The following NEDD4L variants were observed in gnomAD, a reference collection of about 807,000 sequenced individuals.
The protein encoded by NEDD4L is E3 ubiquitin-protein ligase NEDD4-like.
NEDD4L carries 54 observed loss-of-function variants against 148.9 expected under a neutral mutation model. That is an observed-to-expected ratio of 0.36 (90% CI 0.29 to 0.45). The LOEUF is 0.45. NEDD4L is among the 20% of genes least tolerant of loss of function. The pLI, the probability that NEDD4L is intolerant of heterozygous loss-of-function variation, is 1.00. For synonymous variants in NEDD4L, 433 were observed against 440.7 expected, an observed-to-expected ratio of 0.98 and a Z score of 0.22; for missense variants, 856 against 1,233.8, an observed-to-expected ratio of 0.69 and a Z score of 4.59.
rs1444421168 is a variant in NEDD4L at position 58,140,271 on chromosome 18, T to A, written c.49-25517T>A. 3.9e-5 allele frequency among the ~76,000 whole-genome samples: 6 copies of A among 152,192 alleles called. No homozygotes were observed. In the South Asian group the frequency reaches 1.2e-3, roughly 32 times the overall value. On this transcript the variant is annotated intron_variant, in intron 1 of 30. Coordinates refer to ENST00000400345, the MANE Select transcript of NEDD4L (RefSeq NM_001144967.3). ...CAGAGATAAAGGAAATGCTCAAGCC[T>A]CCACCTATGAATTTGCCCGGTGATT... is the stretch of plus-strand genomic sequence containing the variant.
At chr18:58,075,359 T>A (rs1352456051) in intron 1 of NEDD4L, among the ~76,000 whole-genome samples, 2 of 152,100 alleles carry the variant, frequency 1.3e-5, no homozygotes, top group African/African-American at 4.8e-5. Flanking sequence ...CTCCATGTTG[T>A]CCAGGCTGGT....
chr18:58,377,865 C>T (rs1374309440), intron 24 of NEDD4L, among the ~76,000 whole-genome samples: 3 of 152,208 alleles, frequency 2.0e-5, no homozygotes, highest in Non-Finnish European at 2.9e-5. Context: ...ATGCCTCAGC[C>T]TGCTGAGTAG....
Position 58,329,548 on chromosome 18 carries a change from G to C in NEDD4L, c.813+421G>C, listed in dbSNP as rs1375521476. Among the ~76,000 whole-genome samples, 3 of 151,954 alleles carry C rather than the reference G, an allele frequency of 2.0e-5. No individual in the cohort carries two copies. The East Asian group carries it at 5.8e-4, about 29-fold the overall frequency. On this transcript the variant is annotated intron_variant, in intron 10 of 30. Transcript: ENST00000400345. ...GTTTTTGTATTTTTAGTAGAAATGG[G>C]GTTTCACCATGTTGGCTAGGATGGT... is the stretch of plus-strand genomic sequence containing the variant.
intron 2 of NEDD4L, among the ~76,000 whole-genome samples, chr18:58,200,717 C>T (rs2041297003): frequency 1.3e-5 from 2 of 152,204 alleles, no homozygotes; most frequent in Non-Finnish European, 2.9e-5. Flanking sequence ...AAGCACTGGA[C>T]TTACAGATGA....
intron 5 of NEDD4L, among the ~76,000 whole-genome samples, chr18:58,287,091 T>C (rs535985756): frequency 3.3e-5 from 5 of 152,166 alleles, no homozygotes; most frequent in African/African-American, 1.2e-4. Flanking sequence ...AGCACTTCTT[T>C]TTCTTTTTTT....
intron 1 of NEDD4L, among the ~76,000 whole-genome samples, chr18:58,103,282 AAT>A (rs2084880210): frequency 6.9e-6 from 1 of 144,330 alleles, no homozygotes; most frequent in South Asian, 2.1e-4. Flanking sequence ...AATTATATAT[AAT>A]ATATATAATT....
chr18:58,147,336 C>G (rs1408387914), intron 1 of NEDD4L, among the ~76,000 whole-genome samples: 2 of 152,030 alleles, frequency 1.3e-5, no homozygotes, highest in Non-Finnish European at 2.9e-5. Flanking sequence ...CCTCTGCCTT[C>G]TAGATGCTGG....
intron 1 of NEDD4L, among the ~76,000 whole-genome samples, chr18:58,083,525 A>C (rs1371453267): frequency 6.6e-6 from 1 of 152,112 alleles, no homozygotes; most frequent in Non-Finnish European, 1.5e-5. Context: ...GTCTCTACTA[A>C]AAATACAAAA....
At chr18:58,289,799 T>A (rs985663895) in intron 5 of NEDD4L, among the ~76,000 whole-genome samples, 1 of 152,254 alleles carries the variant, frequency 6.6e-6, no homozygotes, top group Admixed American at 6.5e-5. Context: ...ATAAAATCCC[T>A]TGAAATCTAT....
At chr18:58,073,323 T>G (rs1448576912) in intron 1 of NEDD4L, among the ~76,000 whole-genome samples, 1 of 152,074 alleles carries the variant, frequency 6.6e-6, no homozygotes, top group Non-Finnish European at 1.5e-5. Context: ...GCTGGAAGAC[T>G]CACACTTCTC....
intron 1 of NEDD4L, among the ~76,000 whole-genome samples, chr18:58,050,139 C>G (rs568326341): frequency 6.6e-6 from 1 of 152,154 alleles, no homozygotes; most frequent in Admixed American, 6.5e-5. Flanking sequence ...ACATCAGTTT[C>G]CTTAATTTAA....
intron 1 of NEDD4L, among the ~76,000 whole-genome samples, chr18:58,158,899 A>T (rs1197112411): frequency 6.6e-6 from 1 of 152,122 alleles, no homozygotes; most frequent in African/African-American, 2.4e-5. Flanking sequence ...TGCCTCTGCC[A>T]TTGACTGTAA....
chr18:58,195,641 G>C (rs375816898), intron 2 of NEDD4L: 30 of 1,350,894 alleles, frequency 2.2e-5, no homozygotes, highest in Non-Finnish European at 2.9e-5. Flanking sequence ...CCTCGCCGCC[G>C]TTGCTGTTGT....
chr18:58,382,420 T>C (rs8092749), intron 24 of NEDD4L, among the ~76,000 whole-genome samples: 68,815 of 152,144 alleles, frequency 0.45, 16,187 homozygotes, highest in African/African-American at 0.6. Flanking sequence ...GGAAAAAAGA[T>C]TTAGAGGGAA....
intron 30 of NEDD4L, among the ~76,000 whole-genome samples, chr18:58,395,877 G>T (rs1459621534): frequency 6.6e-6 from 1 of 152,152 alleles, no homozygotes; most frequent in African/African-American, 2.4e-5. Context: ...TGTTCCAAGG[G>T]TTTGGAAATC....
intron 1 of NEDD4L, among the ~76,000 whole-genome samples, chr18:58,061,277 T>C (rs1372597212): frequency 6.6e-6 from 1 of 152,218 alleles, no homozygotes; most frequent in Non-Finnish European, 1.5e-5. Flanking sequence ...TGTTAGATCA[T>C]AAATATGATT....
At chr18:58,322,374 C>A in intron 6 of NEDD4L, 51 bp from the exon 7 acceptor site, 1 of 1,274,222 alleles carries the variant, frequency 7.8e-7, no homozygotes, top group Non-Finnish European at 1.1e-6. Context: ...GTATCTAAAA[C>A]ATGAAATTAT....
intron 18 of NEDD4L, among the ~76,000 whole-genome samples, chr18:58,356,444 G>A (rs1047891705): frequency 2.0e-5 from 3 of 152,062 alleles, no homozygotes; most frequent in Admixed American, 1.3e-4. Context: ...AATCCGTAAG[G>A]TCTTTTTAAT....
In NEDD4L at chr18:58,290,273, ATTTG is replaced by A. The variant is rs750185633; in HGVS notation, c.298-25705_298-25702del. Reference sequence around the variant, plus strand: ...TTTAACAGGGAAATTCAACAACCAGATTTGTTTTGCTAATCTTATTAAAGTGCAA... The same window carrying A: ...TTTAACAGGGAAATTCAACAACCAGATTTTGCTAATCTTATTAAAGTGCAA... On this transcript the variant is annotated intron_variant, in intron 5 of 30. Transcript: ENST00000400345. 2.6e-5 allele frequency among the ~76,000 whole-genome samples: 4 copies of A among 152,240 alleles called. No homozygotes were observed. The East Asian group carries it at 7.7e-4, about 29-fold the overall frequency.
Sources: gnomAD v4.1 joint callset for allele counts (sites outside exome capture counted in the v4.1 genomes callset) on GRCh38, gnomAD v4.1.1 for gene constraint, MANE v1.5 for transcripts, NCBI Gene and HGNC (gene_info 2026-07-23, HGNC 2026-07-21) for gene names.